The following SSC4D variants were observed in gnomAD, a reference collection of about 807,000 sequenced individuals.
The protein encoded by SSC4D is scavenger receptor cysteine-rich domain-containing group B protein.
SSC4D carries 57 observed loss-of-function variants against 63.4 expected under a neutral mutation model. The ratio of observed to expected loss-of-function variants is 0.90; its 90% confidence interval spans 0.73 to 1.12. The LOEUF (loss-of-function observed/expected upper bound fraction) is 1.12, where lower values mean the gene tolerates loss of function less well. Among genes scored for constraint, SSC4D ranks in the 50% most tolerant of loss-of-function variants. The pLI is 0.00. For missense variants in SSC4D, 791 were observed against 806.4 expected (o/e 0.98, Z 0.23); for synonymous variants, 352 against 345.4 (o/e 1.02, Z -0.21).
intron 1 of SSC4D, among the ~76,000 whole-genome samples, chr7:76,405,820 A>G (rs981222563): frequency 1.3e-5 from 2 of 152,192 alleles, no homozygotes; most frequent in South Asian, 4.1e-4. Flanking sequence ...GGCCCAAACC[A>G]TGACCAGCCC....
chr7:76,394,748 AATAT>A (rs35943058), intron 7 of SSC4D, among the ~76,000 whole-genome samples: 37,481 of 131,134 alleles, frequency 0.29, 5,387 homozygotes, highest in African/African-American at 0.38. Flanking sequence ...ATGTATGTAT[AATAT>A]ATATATATAT....
chr7:76,407,046 C>T (rs1805057741), intron 1 of SSC4D, among the ~76,000 whole-genome samples: 1 of 152,092 alleles, frequency 6.6e-6, no homozygotes, highest in Non-Finnish European at 1.5e-5. Flanking sequence ...CTGCAACCTC[C>T]ACCTCCTGGG....
At chr7:76,391,128 C>T (rs1013119223) in intron 10 of SSC4D, among the ~76,000 whole-genome samples, 2 of 151,870 alleles carry the variant, frequency 1.3e-5, no homozygotes, top group Non-Finnish European at 2.9e-5. Context: ...GAGCAAGACT[C>T]TGTCTCAAAC....
chr7:76,407,984 G>T (rs1805096039), intron 1 of SSC4D, among the ~76,000 whole-genome samples: 1 of 152,202 alleles, frequency 6.6e-6, no homozygotes, highest in South Asian at 2.1e-4. Flanking sequence ...CGAAGGATAT[G>T]TGGGAGACTG....
At chr7:76,390,473 G>A in intron 10 of SSC4D, 98 bp from the exon 11 acceptor site, 1 of 1,150,464 alleles carries the variant, frequency 8.7e-7, no homozygotes, top group South Asian at 1.6e-5. Flanking sequence ...GAGACACTCT[G>A]AGCACTGCCC....
chr7:76,397,609 T>C lies in SSC4D; in HGVS notation c.777A>G (p.Glu259=), dbSNP rs1804680460. 6 of 1,611,190 alleles carry C rather than the reference T, an allele frequency of 3.7e-6. No homozygotes were observed. The East Asian group carries it at 1.3e-4, about 36-fold the overall frequency. ...GHILLDNVHC[E]GGEPRLAACQ... ...AGGCTGCCAGGCGGGGCTCGCCGCC[T>C]TCGCAGTGCACGTTGTCCAGCAGGA... is the stretch of plus-strand genomic sequence containing the variant. The change falls in exon 6 of 11, where the codon GAA becomes GAG. Residue 259 remains glutamate, a synonymous_variant. Coordinates refer to ENST00000275560, the MANE Select transcript of SSC4D (RefSeq NM_080744.2).
At chr7:76,392,933 G>A (rs950698756) in intron 9 of SSC4D, among the ~76,000 whole-genome samples, 11 of 152,176 alleles carry the variant, frequency 7.2e-5, no homozygotes, top group African/African-American at 1.4e-4. Context: ...AATTCCCACA[G>A]CAATCAATGA....
chr7:76,404,641 A>T, intron 1 of SSC4D, 136 bp from the exon 2 acceptor site: 1 of 676,006 alleles, frequency 1.5e-6, no homozygotes, highest in Non-Finnish European at 2.4e-6. Context: ...AAAAGTTTTT[A>T]AAAATGAGGC....
chr7:76,398,850 C>T (rs111380832), intron 4 of SSC4D, 53 bp from the exon 5 acceptor site: 3 of 1,587,924 alleles, frequency 1.9e-6, no homozygotes, highest in Non-Finnish European at 2.6e-6. Context: ...CATCCTCACA[C>T]CACGGGGTGT....
chr7:76,404,007 CTT>C (rs1024579023), intron 2 of SSC4D, among the ~76,000 whole-genome samples: 1 of 152,054 alleles, frequency 6.6e-6, no homozygotes, highest in African/African-American at 2.4e-5. Context: ...GATTTCATCT[CTT>C]TTACCAGCTG....
rs528084623 is a variant in SSC4D at position 76,394,043 on chromosome 7, C to T, written c.947-139G>A. ...CTCAGCTGCAACCCCAGAGTCACCA[C>T]GTTGTCTGGCGCGGGTTGGGATCTC... On this transcript the variant is annotated intron_variant, in intron 7 of 10. Transcript: ENST00000275560. 85 of 776,564 alleles carry T rather than the reference C, an allele frequency of 1.1e-4. No homozygotes were observed. In the African/African-American group the frequency reaches 1.4e-3, roughly 12 times the overall value. 48.1% of individuals were successfully genotyped at this position (776,564 alleles called of 1,614,324 possible).
intron 1 of SSC4D, among the ~76,000 whole-genome samples, chr7:76,405,323 T>TCTTTCTTTC (rs1804978103): frequency 1.4e-4 from 4 of 29,176 alleles, no homozygotes; most frequent in Admixed American, 6.7e-4. Context: ...ATATGTATTT[T>TCTTTCTTTC]TTTCTTTCTT....
At chr7:76,403,325 T>C (rs1804889051) in intron 2 of SSC4D, among the ~76,000 whole-genome samples, 1 of 151,596 alleles carries the variant, frequency 6.6e-6, no homozygotes, top group African/African-American at 2.4e-5. Context: ...ATTTTACTGA[T>C]GAAGAAACTG....
chr7:76,401,169 T>C (rs1385224813), intron 2 of SSC4D, 126 bp from the exon 3 acceptor site: 7 of 1,298,594 alleles, frequency 5.4e-6, no homozygotes, highest in Non-Finnish European at 7.2e-6. Context: ...TCAGTACCCC[T>C]GCTTTGCCAA....
At chr7:76,391,356 G>A (rs1176559968) in intron 10 of SSC4D, among the ~76,000 whole-genome samples, 5 of 151,708 alleles carry the variant, frequency 3.3e-5, no homozygotes, top group Non-Finnish European at 2.9e-5. Flanking sequence ...CACGAGAATC[G>A]CTTGAACCTG....
In SSC4D at chr7:76,390,364, G is replaced by C; in HGVS notation, c.1423C>G (p.Leu475Val). The change falls in exon 11 of 11, where the codon CTG (leucine) becomes GTG (valine). Residue 475 changes from leucine to valine, a missense_variant. Coordinates refer to ENST00000275560, the MANE Select transcript of SSC4D (RefSeq NM_080744.2). ...TCGCATCGGTGGGCTCCATTGACCA[G>C]ACGTAGATGCCCTGTGGGGGGACAG... ...TPRPRDGHLRLVNGAHRCEGR... is the reference protein window; with the variant it reads ...TPRPRDGHLRVVNGAHRCEGR... 6.3e-7 allele frequency: 1 copy of C among 1,586,668 alleles called. No homozygotes were observed. The highest frequency in any genetic ancestry group is 8.6e-7 in the Non-Finnish European group (1 of 1,164,340).
intron 5 of SSC4D, 61 bp from the exon 6 acceptor site, chr7:76,397,893 G>T: frequency 2.8e-6 from 4 of 1,433,996 alleles, no homozygotes; most frequent in East Asian, 5.0e-5. Flanking sequence ...CGTCCGCACC[G>T]CAAGGGCAGC....
chr7:76,405,818 C>T (rs1805007714), intron 1 of SSC4D, among the ~76,000 whole-genome samples: 1 of 152,066 alleles, frequency 6.6e-6, no homozygotes, highest in South Asian at 2.1e-4. Context: ...TCGGCCCAAA[C>T]CATGACCAGC....
At chr7:76,401,748 C>G in intron 2 of SSC4D, among the ~76,000 whole-genome samples, 1 of 152,120 alleles carries the variant, frequency 6.6e-6, no homozygotes. Context: ...GCTTGGAGCC[C>G]CTTCCTCTGG....
Sources: gnomAD v4.1 joint callset for allele counts (sites outside exome capture counted in the v4.1 genomes callset) on GRCh38, gnomAD v4.1.1 for gene constraint, MANE v1.5 for transcripts, NCBI Gene and HGNC (gene_info 2026-07-23, HGNC 2026-07-21) for gene names.